Variants in RTN1 observed in about 807,000 individuals in gnomAD.
RTN1 encodes reticulon 1.
Under a neutral mutation model 65.5 loss-of-function variants are expected in RTN1, and 25 were observed. That is an observed-to-expected ratio of 0.38 (90% CI 0.28 to 0.53). The LOEUF is 0.53. RTN1 is among the 20% of genes least tolerant of loss of function. RTN1 has a pLI of 0.79. For synonymous variants in RTN1, 471 were observed against 447.6 expected, an observed-to-expected ratio of 1.05 and a Z score of -0.66; for missense variants, 983 against 1,025.4, an observed-to-expected ratio of 0.96 and a Z score of 0.57.
chr14:59,664,928 TG>T (rs1375397868), intron 3 of RTN1, among the ~76,000 whole-genome samples: 1 of 152,174 alleles, frequency 6.6e-6, no homozygotes, highest in Non-Finnish European at 1.5e-5. Context: ...TTTTGCAAAG[TG>T]GCTGTACAAC....
chr14:59,664,692 TTTTA>T (rs1387362692), intron 3 of RTN1, among the ~76,000 whole-genome samples: 2 of 152,200 alleles, frequency 1.3e-5, no homozygotes, highest in Non-Finnish European at 2.9e-5. Context: ...GTTTGTTCCT[TTTTA>T]TTTATTTTTT....
At position 59,799,903 on chromosome 14, in the gene RTN1, C is replaced by A. The variant is rs182865652; in HGVS notation, c.242-53422G>T. Among the ~76,000 whole-genome samples the A allele has an allele frequency of 1.3e-3, 195 of 152,240 alleles. 2 individuals are homozygous for A. Among genetic ancestry groups the A allele is most frequent in the Middle Eastern group, 3.4e-3 (1 of 294 alleles). The stretch of plus-strand genomic sequence containing the variant: ...ACAAAGAGGTAGAGGTGCATGAACA[C>A]TGAAAAAGACTTCCCTTTAAGATCT... On this transcript the variant is annotated intron_variant, in intron 1 of 8. Transcript: ENST00000267484.
chr14:59,807,890 T>C (rs79759293), intron 1 of RTN1, among the ~76,000 whole-genome samples: 1,841 of 152,334 alleles, frequency 0.012, 34 homozygotes, highest in African/African-American at 0.041. Context: ...ATTTAAACCC[T>C]GTGGGTCCTG....
At chr14:59,739,231 G>T (rs2139497588) in intron 2 of RTN1, among the ~76,000 whole-genome samples, 1 of 152,244 alleles carries the variant, frequency 6.6e-6, no homozygotes, top group South Asian at 2.1e-4. Flanking sequence ...AGCTTAAAAG[G>T]GAGGGAAGGC....
intron 1 of RTN1, among the ~76,000 whole-genome samples, chr14:59,832,270 A>C (rs902289115): frequency 1.3e-5 from 2 of 152,170 alleles, no homozygotes; most frequent in Non-Finnish European, 2.9e-5. Context: ...ATTTGGTTGC[A>C]TGAGCTCCAA....
intron 1 of RTN1, among the ~76,000 whole-genome samples, chr14:59,750,186 C>CTATAATATATAAT (rs1566713277): frequency 2.8e-4 from 9 of 32,328 alleles, no homozygotes; most frequent in African/African-American, 1.6e-3. Context: ...ATATATAATA[C>CTATAATATATAAT]ATATATTATA....
chr14:59,856,678 T>G (rs1298611263), intron 1 of RTN1, among the ~76,000 whole-genome samples: 1 of 152,142 alleles, frequency 6.6e-6, no homozygotes, highest in East Asian at 1.9e-4. Flanking sequence ...CAATCCTTCC[T>G]TGCTCTCCTG....
At chr14:59,741,176 G>A (rs1465034824) in intron 2 of RTN1, among the ~76,000 whole-genome samples, 1 of 152,006 alleles carries the variant, frequency 6.6e-6, no homozygotes, top group Non-Finnish European at 1.5e-5. Flanking sequence ...CCCTCCTCCA[G>A]CCAAGCCGGC....
chr14:59,798,769 T>G (rs1000486185), intron 1 of RTN1, among the ~76,000 whole-genome samples: 3 of 149,702 alleles, frequency 2.0e-5, no homozygotes, highest in African/African-American at 7.4e-5. Flanking sequence ...ATTAACGGGT[T>G]TCAGGGATTA....
chr14:59,833,164 G>C (rs1001617238), intron 1 of RTN1, among the ~76,000 whole-genome samples: 2 of 152,148 alleles, frequency 1.3e-5, no homozygotes, highest in African/African-American at 4.8e-5. Flanking sequence ...AGCATGTCTG[G>C]AAAGTAATAT....
chr14:59,837,087 A>AG (rs1372963653), intron 1 of RTN1, among the ~76,000 whole-genome samples: 1 of 152,084 alleles, frequency 6.6e-6, no homozygotes, highest in Non-Finnish European at 1.5e-5. Flanking sequence ...CATATCATCA[A>AG]GCTACAATAA....
At chr14:59,601,910 T>C (rs1337103723) in intron 8 of RTN1, among the ~76,000 whole-genome samples, 1 of 152,176 alleles carries the variant, frequency 6.6e-6, no homozygotes, top group Non-Finnish European at 1.5e-5. Flanking sequence ...AAAATGATTA[T>C]TTTATGCTTA....
At chr14:59,666,409 T>C (rs1004470066) in intron 3 of RTN1, among the ~76,000 whole-genome samples, 2 of 152,140 alleles carry the variant, frequency 1.3e-5, no homozygotes, top group East Asian at 3.9e-4. Context: ...AAAGACACAA[T>C]GTACCAGAAT....
At chr14:59,860,194 T>G (rs894820022) in intron 1 of RTN1, among the ~76,000 whole-genome samples, 7 of 152,032 alleles carry the variant, frequency 4.6e-5, no homozygotes, top group Non-Finnish European at 1.0e-4. Context: ...CATGGGTGAG[T>G]CCAGGGTCCC....
chr14:59,610,372 G>C (rs914779364), intron 3 of RTN1: 1 of 546,644 alleles, frequency 1.8e-6, no homozygotes, highest in Non-Finnish European at 3.2e-6. Context: ...AAAACAACAG[G>C]CTGTTGGTTC....
At chr14:59,824,314 T>C (rs1886993491) in intron 1 of RTN1, among the ~76,000 whole-genome samples, 1 of 152,236 alleles carries the variant, frequency 6.6e-6, no homozygotes, top group African/African-American at 2.4e-5. Context: ...ATCTTAATTT[T>C]GCTTGTTCTT....
chr14:59,831,420 T>C lies in RTN1; in HGVS notation c.241+38970A>G, dbSNP rs531688706. ...CCTGAGACACTGGCTTTTTCATGCC[T>C]GTGGACACAAACTGAAACATTGGCT... On this transcript the variant is annotated intron_variant, in intron 1 of 8. Coordinates refer to ENST00000267484, the MANE Select transcript of RTN1 (RefSeq NM_021136.3). Among the ~76,000 whole-genome samples, 126 of 152,274 alleles carry C rather than the reference T, an allele frequency of 8.3e-4. 1 individual carries two copies. Among genetic ancestry groups the C allele is most frequent in the African/African-American group, 3.0e-3 (123 of 41,546 alleles).
intron 3 of RTN1, among the ~76,000 whole-genome samples, chr14:59,636,423 A>G (rs751582422): frequency 2.0e-5 from 3 of 152,116 alleles, no homozygotes; most frequent in Non-Finnish European, 2.9e-5. Context: ...CCATGATTGT[A>G]AGCTTCCCGA....
intron 1 of RTN1, among the ~76,000 whole-genome samples, chr14:59,832,648 A>C (rs182223634): frequency 3.7e-4 from 56 of 152,350 alleles, no homozygotes; most frequent in African/African-American, 1.2e-3. Flanking sequence ...CACTGGGCAT[A>C]ATAGCACAGT....
Sources: gnomAD v4.1 joint callset for allele counts (sites outside exome capture counted in the v4.1 genomes callset) on GRCh38, gnomAD v4.1.1 for gene constraint, MANE v1.5 for transcripts, NCBI Gene and HGNC (gene_info 2026-07-23, HGNC 2026-07-21) for gene names.